DOCK6: variants seen among roughly 807,000 people sequenced by gnomAD.
The protein encoded by DOCK6 is dedicator of cytokinesis 6.
A neutral mutation model predicts 230.3 loss-of-function variants in DOCK6; 167 were observed. The ratio of observed to expected loss-of-function variants is 0.73; its 90% confidence interval spans 0.64 to 0.82. The LOEUF is 0.82. Among genes scored for constraint, DOCK6 ranks in the 40% least tolerant of loss-of-function variants. The probability of loss-of-function intolerance (pLI) is 0.00; values close to 1 mark genes in which losing one functional copy is unlikely to be tolerated. For missense variants in DOCK6, 2,598 were observed against 2,825.8 expected, an observed-to-expected ratio of 0.92 and a Z score of 1.83; for synonymous variants, 1,148 against 1,185.0, an observed-to-expected ratio of 0.97 and a Z score of 0.64.
chr19:11,237,843 C>CTGACA (rs1161749929), intron 16 of DOCK6, 64 bp from the exon 17 acceptor site: 1 of 1,513,766 alleles, frequency 6.6e-7, no homozygotes, highest in African/African-American at 1.4e-5. Flanking sequence ...CCCATCACCT[C>CTGACA]TGCCATGCCA....
intron 1 of DOCK6, among the ~76,000 whole-genome samples, chr19:11,254,768 G>A (rs144976508): frequency 1.5e-4 from 23 of 152,302 alleles, no homozygotes; most frequent in African/African-American, 5.3e-4. Flanking sequence ...AGCAGAGCCA[G>A]TGGGGACAGG....
At chr19:11,251,516 AC>A (rs2080117171) in intron 5 of DOCK6, 1 of 159,644 alleles carries the variant, frequency 6.3e-6, no homozygotes, top group African/African-American at 2.4e-5. Context: ...TGGGTCTCTG[AC>A]CCCCAACTCT....
At position 11,202,210 on chromosome 19, in the gene DOCK6, C is replaced by CT; in HGVS notation, c.5452-86dup. The CT allele has an allele frequency of 6.8e-7, 1 of 1,473,582 alleles. No individual in the cohort carries two copies. Among genetic ancestry groups the CT allele is most frequent in the Non-Finnish European group, 9.3e-7 (1 of 1,070,720 alleles). 91.3% of individuals were successfully genotyped at this position (1,473,582 alleles called of 1,614,324 possible). A position where few individuals can be genotyped will look rare whatever the true frequency, so the allele number is the denominator to read the frequency against. ...TTCCTGGAGAGAGGGGATCTGGGGA[C>CT]TTTGTCATTTCCAAGTCTTCCTATG... On this transcript the variant is annotated intron_variant, in intron 43 of 47. Transcript: ENST00000294618. This position sits in a 1 kb window ranked among gnomAD's most constrained non-coding sequence, Gnocchi z 5.3.
At chr19:11,259,556 CTTTTTTTT>C (rs756965986) in intron 1 of DOCK6, among the ~76,000 whole-genome samples, 5 of 103,644 alleles carry the variant, frequency 4.8e-5, no homozygotes, top group Non-Finnish European at 9.4e-5. Context: ...TATTTCTTTT[CTTTTTTTT>C]TTTTTTTTTT....
chr19:11,202,012 C>T lies in DOCK6; in HGVS notation c.5565G>A (p.Pro1855=), dbSNP rs374242691. ...YGLRTFLFCT[P]FTPDGRAHGE... The stretch of plus-strand genomic sequence containing the variant: ...CGTGTGCGCGCCCATCCGGCGTGAA[C>T]GGCGTGCAGAACAGGAATGTGCGAA... The change falls in exon 44 of 48, where the codon CCG becomes CCA. Residue 1855 remains proline, a synonymous_variant. Coordinates refer to ENST00000294618, the MANE Select transcript of DOCK6 (RefSeq NM_020812.4). This position sits in a 1 kb window ranked among gnomAD's most constrained non-coding sequence, Gnocchi z 5.3. 43 of 1,613,940 alleles carry T rather than the reference C, an allele frequency of 2.7e-5. No individual in the cohort carries two copies. The highest frequency in any genetic ancestry group is 1.6e-4 in the Middle Eastern group (1 of 6,084).
At chr19:11,218,908 T>C (rs1350207988) in intron 28 of DOCK6, among the ~76,000 whole-genome samples, 1 of 130,602 alleles carries the variant, frequency 7.7e-6, no homozygotes, top group East Asian at 2.4e-4. Flanking sequence ...AGGCGGAGTC[T>C]CACTCTGTTG....
chr19:11,245,467 C>T, intron 9 of DOCK6, 96 bp downstream of exon 9: 1 of 1,304,604 alleles, frequency 7.7e-7, no homozygotes, highest in Non-Finnish European at 1.1e-6. Flanking sequence ...GCCCTGATTA[C>T]CCTTCTTGGT....
At chr19:11,244,446 C>A (rs551252425) in intron 9 of DOCK6, among the ~76,000 whole-genome samples, 1 of 127,538 alleles carries the variant, frequency 7.8e-6, no homozygotes, top group Non-Finnish European at 1.6e-5. Flanking sequence ...ACCCACCACA[C>A]CTGGCTTTTT....
In DOCK6 at chr19:11,241,583, G is replaced by A. The variant is rs1383369027; in HGVS notation, c.1643+462C>T. ...AGCCTGGCAGGGGTTTGGCAGGCAGGGCAGTTGGATGGGGGGCGCACAGGG... is the reference window on the plus strand; with the variant it reads ...AGCCTGGCAGGGGTTTGGCAGGCAGAGCAGTTGGATGGGGGGCGCACAGGG... On this transcript the variant is annotated intron_variant, in intron 14 of 47. Coordinates refer to ENST00000294618, the MANE Select transcript of DOCK6 (RefSeq NM_020812.4). 1.9e-6 allele frequency: 3 copies of A among 1,555,304 alleles called. No homozygotes were observed. In the African/African-American group the frequency reaches 4.1e-5, roughly 21 times the overall value.
chr19:11,215,751 G>T (rs1212265309), intron 31 of DOCK6, 50 bp downstream of exon 31: 10 of 1,610,658 alleles, frequency 6.2e-6, no homozygotes, highest in Non-Finnish European at 2.5e-6. Flanking sequence ...CTTGACACAA[G>T]GTGGGAGCAG....
chr19:11,241,739 G>A (rs1056308728), intron 14 of DOCK6: 39 of 1,555,980 alleles, frequency 2.5e-5, no homozygotes, highest in East Asian at 4.9e-5. Flanking sequence ...ACACTTCCAC[G>A]CCCCGTGAGG....
At chr19:11,254,579 G>A (rs556067388) in intron 1 of DOCK6, among the ~76,000 whole-genome samples, 2 of 152,236 alleles carry the variant, frequency 1.3e-5, no homozygotes, top group Non-Finnish European at 2.9e-5. Flanking sequence ...CTACTCAAGA[G>A]GCTGAGGCAG....
chr19:11,244,397 C>T (rs2080000016), intron 9 of DOCK6, among the ~76,000 whole-genome samples: 1 of 150,496 alleles, frequency 6.6e-6, no homozygotes, highest in East Asian at 2.0e-4. Flanking sequence ...AAGCAATTCT[C>T]CTGCCTCAGC....
intron 6 of DOCK6, among the ~76,000 whole-genome samples, chr19:11,250,476 G>T (rs897183985): frequency 6.6e-6 from 1 of 151,746 alleles, no homozygotes; most frequent in Admixed American, 6.6e-5. Context: ...CACCATGCCT[G>T]GCTAACTTTT....
chr19:11,244,249 T>C (rs1161707255), intron 9 of DOCK6, among the ~76,000 whole-genome samples: 1 of 152,130 alleles, frequency 6.6e-6, no homozygotes, highest in East Asian at 1.9e-4. Context: ...GCTCAAGTGA[T>C]GCCCCTGCCT....
At chr19:11,207,684 T>G (rs1239648919) in intron 39 of DOCK6, among the ~76,000 whole-genome samples, 1 of 151,540 alleles carries the variant, frequency 6.6e-6, no homozygotes, top group Non-Finnish European at 1.5e-5. Flanking sequence ...TCCCATGACT[T>G]TGGGAGTTTG....
At chr19:11,209,746 C>T (rs1171614893) in intron 37 of DOCK6, among the ~76,000 whole-genome samples, 1 of 90,790 alleles carries the variant, frequency 1.1e-5, no homozygotes, top group Non-Finnish European at 2.5e-5. Context: ...CTGTCCACCC[C>T]CTCACCTGTC....
At chr19:11,206,407 C>T (rs528694295) in intron 39 of DOCK6, 8 of 150,508 alleles carry the variant, frequency 5.3e-5, no homozygotes, top group Non-Finnish European at 1.2e-4. Flanking sequence ...AAAAAATGAA[C>T]GAAGAAAAAA....
Position 11,250,957 on chromosome 19 carries a change from C to T in DOCK6, c.637G>A (p.Glu213Lys). The T allele has an allele frequency of 6.2e-7, 1 of 1,613,804 alleles. No individual in the cohort carries two copies. Among genetic ancestry groups the T allele is most frequent in the South Asian group, 1.1e-5 (1 of 91,076 alleles). ...GTTTCATTGCGCCGGTCCACATCTT[C>T]TGGGGCCGCCCGCTCTAGCAGAGAG... is the stretch of plus-strand genomic sequence containing the variant. ...LPSLLERAAP[E>K]DVDRRNETLR... Residue 213 changes from glutamate to lysine, a missense_variant, in exon 6 of 48, where the codon GAA (glutamate) becomes AAA (lysine). Transcript: ENST00000294618.
Sources: allele counts gnomAD v4.1 joint callset (sites outside exome capture counted in the v4.1 genomes callset), GRCh38; gene constraint gnomAD v4.1.1; non-coding constraint Gnocchi (gnomAD v3.1); transcripts MANE v1.5; gene names NCBI Gene and HGNC (gene_info 2026-07-23, HGNC 2026-07-21).